LRP12: variants seen among roughly 807,000 people sequenced by gnomAD.
The protein encoded by LRP12 is LDL receptor related protein 12.
A neutral mutation model predicts 66.0 loss-of-function variants in LRP12; 14 were observed. The ratio of observed to expected loss-of-function variants is 0.21; its 90% CI spans 0.14 to 0.33. LRP12 has a LOEUF of 0.33. Among genes scored for constraint, LRP12 ranks in the 10% least tolerant of loss-of-function variants. The probability of loss-of-function intolerance (pLI) is 1.00; values close to 1 mark genes in which losing one functional copy is unlikely to be tolerated. For missense variants in LRP12, 889 were observed against 1,053.4 expected (o/e 0.84, Z 2.16); for synonymous variants, 357 against 359.1 (o/e 0.99, Z 0.07).
chr8:104,531,745 T>G (rs1325010565), intron 2 of LRP12, among the ~76,000 whole-genome samples, 162 bp downstream of exon 2: 1 of 152,152 alleles, frequency 6.6e-6, no homozygotes, highest in Non-Finnish European at 1.5e-5. Context: ...TTTTATCTTA[T>G]GAGAATTTCT....
intron 5 of LRP12, among the ~76,000 whole-genome samples, chr8:104,496,582 A>G (rs12546843): frequency 0.24 from 36,548 of 151,966 alleles, 4,469 homozygotes; most frequent in Middle Eastern, 0.3. Context: ...TGCTTGTGAT[A>G]TTATGCCTTA....
intron 2 of LRP12, among the ~76,000 whole-genome samples, chr8:104,516,384 C>T (rs79975039): frequency 1.3e-5 from 2 of 151,478 alleles, no homozygotes; most frequent in African/African-American, 2.4e-5. Flanking sequence ...TATTATAATG[C>T]TAATGGTTAA....
At chr8:104,564,471 C>T (rs897678708) in intron 1 of LRP12, among the ~76,000 whole-genome samples, 16 of 152,012 alleles carry the variant, frequency 1.1e-4, no homozygotes, top group South Asian at 2.1e-4. Context: ...TGTGAATGTG[C>T]GCAGGGGCAT....
intron 1 of LRP12, among the ~76,000 whole-genome samples, chr8:104,559,003 C>T (rs1220464915): frequency 6.6e-6 from 1 of 151,996 alleles, no homozygotes; most frequent in African/African-American, 2.4e-5. Context: ...TTTTACATTG[C>T]CAGTGGGAAT....
chr8:104,521,174 T>C (rs577267828), intron 2 of LRP12, among the ~76,000 whole-genome samples: 116 of 151,984 alleles, frequency 7.6e-4, no homozygotes, highest in Non-Finnish European at 1.4e-3. Context: ...ATATACTTAC[T>C]AGTTGAGCAT....
rs1328880059 is a variant in LRP12 at position 104,489,631 on chromosome 8, T to A, written c.*1042A>T. ...ATCACTCTTACAACAATGTATTTTT[T>A]AAATACAACAAATAAATATGAAACC... On this transcript the variant is annotated 3_prime_UTR_variant, in exon 7 of 7. Transcript: ENST00000276654. 2.0e-5 allele frequency: 3 copies of A among 152,196 alleles called. No individual in the cohort carries two copies. Among genetic ancestry groups the A allele is most frequent in the Non-Finnish European group, 2.9e-5 (2 of 68,020 alleles). The allele number at this position is 152,196 out of a possible 1,614,324, so 9.4% of individuals were successfully genotyped here. A position where few individuals can be genotyped will look rare whatever the true frequency, so the allele number is the denominator to read the frequency against.
At position 104,588,879 on chromosome 8, in the gene LRP12, T is replaced by G. The variant is rs765985901; in HGVS notation, c.19A>C (p.Thr7Pro). The change falls in exon 1 of 7, where the codon ACA (threonine) becomes CCA (proline). Residue 7 changes from threonine (T) to proline (P), a missense_variant. By Grantham distance (38) the Thr-to-Pro change is conservative (BLOSUM62 -1). Around this residue, in one of 3 missense-constraint regions of LRP12, gnomAD observed 88 missense variants for 72.5 expected, o/e 1.21. Transcript: ENST00000276654. ...GACCTCCACCGCGGAGACTCTTTTG[T>G]GCTCCAGCGACAGGCCATAACCACA... is the stretch of plus-strand genomic sequence containing the variant. MACRWS[T>P]KESPRWRSAL... The G allele has an allele frequency of 3.1e-6, 5 of 1,610,674 alleles. No individual in the cohort carries two copies. In the Admixed American group the frequency reaches 8.4e-5, roughly 27 times the overall value.
chr8:104,535,506 A>G (rs781389472), intron 1 of LRP12, among the ~76,000 whole-genome samples: 3 of 151,964 alleles, frequency 2.0e-5, no homozygotes, highest in Non-Finnish European at 4.4e-5. Context: ...CTTCTTTTAT[A>G]TATTTCTGTC....
chr8:104,547,361 T>A (rs1285515811), intron 1 of LRP12, among the ~76,000 whole-genome samples: 1 of 114,938 alleles, frequency 8.7e-6, no homozygotes, highest in East Asian at 2.2e-4. Context: ...ATATTTTGTA[T>A]ATAATATACA....
At chr8:104,586,112 T>C (rs754816392) in intron 1 of LRP12, among the ~76,000 whole-genome samples, 2 of 152,206 alleles carry the variant, frequency 1.3e-5, no homozygotes, top group Non-Finnish European at 2.9e-5. Flanking sequence ...GCGGTTAAGA[T>C]ACAGTAGCCC....
chr8:104,574,060 C>T (rs919824529), intron 1 of LRP12, among the ~76,000 whole-genome samples: 62 of 152,166 alleles, frequency 4.1e-4, no homozygotes, highest in African/African-American at 1.4e-3. Context: ...ATTTATTCAA[C>T]AAGTATTGTC....
chr8:104,548,179 ATATAAT>A (rs1435734165), intron 1 of LRP12, among the ~76,000 whole-genome samples: 21 of 101,284 alleles, frequency 2.1e-4, no homozygotes, highest in Non-Finnish European at 3.1e-4. Flanking sequence ...ATAATATAAT[ATATAAT>A]ATATATATAA....
intron 1 of LRP12, among the ~76,000 whole-genome samples, chr8:104,547,981 T>C (rs1811624481): frequency 8.4e-6 from 1 of 118,518 alleles, no homozygotes; most frequent in Non-Finnish European, 1.6e-5. Context: ...GTATATAATA[T>C]ATAATTGTTA....
chr8:104,551,638 T>A (rs7836110), intron 1 of LRP12, among the ~76,000 whole-genome samples: 4,654 of 152,256 alleles, frequency 0.031, 232 homozygotes, highest in African/African-American at 0.11. Flanking sequence ...GTGCTAATCC[T>A]CTTACGATTA....
intron 1 of LRP12, among the ~76,000 whole-genome samples, chr8:104,576,887 T>C (rs1019961329): frequency 6.6e-6 from 1 of 151,780 alleles, no homozygotes; most frequent in African/African-American, 2.4e-5. Flanking sequence ...ATGACACACA[T>C]AGGTTTAAAA....
intron 3 of LRP12, among the ~76,000 whole-genome samples, chr8:104,501,490 A>G (rs967426139): frequency 6.6e-6 from 1 of 152,150 alleles, no homozygotes; most frequent in Non-Finnish European, 1.5e-5. Context: ...ACTTGAGGTC[A>G]GGAGTTCGAG....
intron 3 of LRP12, 42 bp from the exon 4 acceptor site, chr8:104,499,561 G>C: frequency 7.0e-7 from 1 of 1,429,326 alleles, no homozygotes; most frequent in African/African-American, 1.4e-5. Flanking sequence ...AGTCAATTTT[G>C]GAAAAAAAAA....
chr8:104,504,653 A>T (rs1015136629), intron 3 of LRP12: 5 of 152,160 alleles, frequency 3.3e-5, no homozygotes, highest in African/African-American at 1.2e-4. Context: ...AATGATGTAC[A>T]GTCTTTGAAA....
chr8:104,557,705 C>A (rs1388717414), intron 1 of LRP12, among the ~76,000 whole-genome samples: 1 of 152,074 alleles, frequency 6.6e-6, no homozygotes, highest in African/African-American at 2.4e-5. Flanking sequence ...CAAAAGCAGT[C>A]TACAAATTCA....
Sources: allele counts gnomAD v4.1 joint callset (sites outside exome capture counted in the v4.1 genomes callset), GRCh38; gene constraint gnomAD v4.1.1; regional missense constraint gnomAD v4.1.1; transcripts MANE v1.5; gene names NCBI Gene and HGNC (gene_info 2026-07-23, HGNC 2026-07-21).